The following APAF1 variants were observed in gnomAD, a reference collection of about 807,000 sequenced individuals.
APAF1 encodes the protein apoptotic protease-activating factor 1.
In APAF1, 91 loss-of-function variants were observed where a neutral mutation model predicts 152.4. The ratio of observed to expected loss-of-function variants is 0.60; its 90% CI spans 0.50 to 0.71. The LOEUF (loss-of-function observed/expected upper bound fraction) is 0.71, where lower values mean the gene tolerates loss of function less well. Among genes scored for constraint, APAF1 ranks in the 30% least tolerant of loss-of-function variants. The pLI is 0.00. For missense variants in APAF1, 1,283 were observed against 1,472.0 expected (o/e 0.87, Z 2.10); for synonymous variants, 484 against 494.1 (o/e 0.98, Z 0.27).
Position 98,734,629 on chromosome 12 carries a change from A to C in APAF1, c.*2063A>C, listed in dbSNP as rs900422581. The C allele has an allele frequency of 2.6e-5, 4 of 152,636 alleles. No individual in the cohort carries two copies. Among genetic ancestry groups the C allele is most frequent in the Admixed American group, 1.3e-4 (2 of 15,274 alleles). The allele number at this position is 152,636 out of a possible 1,614,324, so 9.5% of individuals were successfully genotyped here. ...GATAAGCTATTTAGCCTTTGATGGA[A>C]TCATAAATACAGTGAATACAATCCT... On this transcript the variant is annotated 3_prime_UTR_variant, in exon 27 of 27. Coordinates refer to ENST00000551964, the MANE Select transcript of APAF1 (RefSeq NM_181861.2).
At chr12:98,661,094 G>A (rs1377501537) in intron 5 of APAF1, among the ~76,000 whole-genome samples, 3 of 152,108 alleles carry the variant, frequency 2.0e-5, no homozygotes, top group Non-Finnish European at 4.4e-5. Context: ...GTAGAGATGA[G>A]GTTTCACCGT....
rs528877600 is a variant in APAF1 at position 98,648,727 on chromosome 12, T to C, written c.240T>C (p.Tyr80=). ...SFYNALLHEG[Y]KDLAALLHDG... is the part of the protein sequence containing the mutation. Reference sequence around the variant, plus strand: ...ACAATGCTCTACTACATGAAGGATATAAAGATCTTGCTGCCCTTCTCCATG... The same window carrying C: ...ACAATGCTCTACTACATGAAGGATACAAAGATCTTGCTGCCCTTCTCCATG... Residue 80 remains tyrosine (Y), a synonymous_variant, in exon 3 of 27, where the codon TAT becomes TAC. Transcript: ENST00000551964. 1 of 1,613,958 alleles carries C rather than the reference T, an allele frequency of 6.2e-7. No individual in the cohort carries two copies. Among genetic ancestry groups the C allele is most frequent in the African/African-American group, 1.3e-5 (1 of 75,060 alleles).
chr12:98,717,157 C>T (rs1022481106), intron 22 of APAF1, among the ~76,000 whole-genome samples: 5 of 151,320 alleles, frequency 3.3e-5, no homozygotes, highest in East Asian at 4.0e-4. Flanking sequence ...CATGAGCCCC[C>T]GCACCTGGCC....
intron 7 of APAF1, among the ~76,000 whole-genome samples, chr12:98,665,255 C>CATATATATATATATATATAT (rs35804742): frequency 5.7e-4 from 56 of 97,856 alleles, no homozygotes; most frequent in East Asian, 2.3e-3. Context: ...TAGACTGGCG[C>CATATATATATATATATATAT]ATATATATAT....
chr12:98,660,341 G>A (rs2097663478), intron 5 of APAF1, among the ~76,000 whole-genome samples: 1 of 151,220 alleles, frequency 6.6e-6, no homozygotes, highest in African/African-American at 2.4e-5. Context: ...GGAAGACCCT[G>A]TTTCAATTAA....
chr12:98,684,231 C>T (rs1369678357), intron 15 of APAF1, among the ~76,000 whole-genome samples: 2 of 151,914 alleles, frequency 1.3e-5, no homozygotes, highest in Non-Finnish European at 2.9e-5. Context: ...CGTCTCCATC[C>T]CCCTGTTCAG....
At chr12:98,726,515 A>C (rs2097750853) in intron 25 of APAF1, 1 of 153,890 alleles carries the variant, frequency 6.5e-6, no homozygotes, top group Non-Finnish European at 1.4e-5. Flanking sequence ...AGGTGTTATC[A>C]GATGGGCTTT....
chr12:98,715,406 C>A, intron 21 of APAF1, 21 bp from the exon 22 acceptor site: 1 of 1,611,008 alleles, frequency 6.2e-7, no homozygotes, highest in South Asian at 1.1e-5. Flanking sequence ...TCTTAATTTT[C>A]TGTGTTTTTC....
intron 17 of APAF1, among the ~76,000 whole-genome samples, chr12:98,700,028 C>T (rs993163625): frequency 1.3e-5 from 2 of 152,100 alleles, no homozygotes; most frequent in African/African-American, 2.4e-5. Context: ...CAGAAATGCT[C>T]ATCAATGACT....
intron 24 of APAF1, 147 bp from the exon 25 acceptor site, chr12:98,725,268 T>C: frequency 1.0e-6 from 1 of 960,114 alleles, no homozygotes; most frequent in Non-Finnish European, 1.6e-6. Context: ...CAAGGTTGCA[T>C]GCTGGAACTT....
At chr12:98,654,399 G>A (rs2097653702) in intron 4 of APAF1, among the ~76,000 whole-genome samples, 1 of 152,014 alleles carries the variant, frequency 6.6e-6, no homozygotes. Context: ...TTAATCTTGG[G>A]ATGATTTTTA....
intron 5 of APAF1, among the ~76,000 whole-genome samples, chr12:98,661,194 C>T (rs1325149331): frequency 6.6e-6 from 1 of 152,076 alleles, no homozygotes; most frequent in Non-Finnish European, 1.5e-5. Context: ...AGCCACTGCG[C>T]TCGGCCCCTC....
At position 98,732,602 on chromosome 12, in the gene APAF1, T is replaced by G. The variant is rs1593143871; in HGVS notation, c.*36T>G. 4.1e-6 allele frequency: 6 copies of G among 1,453,040 alleles called. No homozygotes were observed. The East Asian group carries it at 1.4e-4, about 35-fold the overall frequency. 90.0% of individuals were successfully genotyped at this position (1,453,040 alleles called of 1,614,324 possible). On this transcript the variant is annotated 3_prime_UTR_variant, in exon 27 of 27. Transcript: ENST00000551964. ...CATTAATGTAGTTGAACTTTTTAAATTTTTGAATTGGAAAAAAATTCTAAT... is the reference window on the plus strand; with the variant it reads ...CATTAATGTAGTTGAACTTTTTAAAGTTTTGAATTGGAAAAAAATTCTAAT...
chr12:98,681,329 T>A (rs919959602), intron 14 of APAF1, among the ~76,000 whole-genome samples: 1 of 152,206 alleles, frequency 6.6e-6, no homozygotes, highest in African/African-American at 2.4e-5. Context: ...CCCAAAGTGC[T>A]GAGATTATAG....
Position 98,648,799 on chromosome 12 carries a change from T to C in APAF1, c.312T>C (p.Ser104=). 1 of 1,613,940 alleles carries C rather than the reference T, an allele frequency of 6.2e-7. No individual in the cohort carries two copies. The highest frequency in any genetic ancestry group is 1.7e-5 in the Admixed American group (1 of 60,032). The part of the protein sequence containing the change: ...VSSSSGKDSV[S]GITSYVRTVL... Reference sequence around the variant, plus strand: ...CTTCCAGTGGTAAAGATTCAGTTAGTGGAATAACTTCGTATGGTTTGTATC... The same window carrying C: ...CTTCCAGTGGTAAAGATTCAGTTAGCGGAATAACTTCGTATGGTTTGTATC... The change falls in exon 3 of 27, where the codon AGT becomes AGC. Residue 104 remains serine, a synonymous_variant. Coordinates refer to ENST00000551964, the MANE Select transcript of APAF1 (RefSeq NM_181861.2).
intron 10 of APAF1, among the ~76,000 whole-genome samples, chr12:98,668,610 G>A (rs1234557712): frequency 1.3e-5 from 2 of 151,960 alleles, no homozygotes; most frequent in Non-Finnish European, 2.9e-5. Context: ...GAATCATCAT[G>A]ATTTGCTTAT....
At chr12:98,680,466 A>G in intron 14 of APAF1, 64 bp downstream of exon 14, 4 of 1,529,756 alleles carry the variant, frequency 2.6e-6, no homozygotes, top group Non-Finnish European at 2.7e-6. Flanking sequence ...TTCCATGATC[A>G]TGAGACCAGA....
intron 25 of APAF1, 54 bp downstream of exon 25, chr12:98,725,594 C>G: frequency 6.2e-7 from 1 of 1,612,492 alleles, no homozygotes; most frequent in Non-Finnish European, 8.5e-7. Context: ...TGGGCTAGCA[C>G]TGTTCACAGT....
chr12:98,684,804 T>C (rs2097696276), intron 15 of APAF1, among the ~76,000 whole-genome samples: 1 of 152,104 alleles, frequency 6.6e-6, no homozygotes, highest in South Asian at 2.1e-4. Flanking sequence ...ATTTTGTAGG[T>C]TGAGGAAATA....
Sources: gnomAD v4.1 joint callset for allele counts (sites outside exome capture counted in the v4.1 genomes callset) on GRCh38, gnomAD v4.1.1 for gene constraint, MANE v1.5 for transcripts, NCBI Gene and HGNC (gene_info 2026-07-23, HGNC 2026-07-21) for gene names.